The following NKD2 variants were observed in gnomAD, a reference collection of about 807,000 sequenced individuals.
The protein encoded by NKD2 is NKD inhibitor of Wnt signaling pathway 2.
In NKD2, 43 loss-of-function variants were observed where a neutral mutation model predicts 34.8. The observed-to-expected ratio is 1.24, with a 90% CI of 0.97 to 1.60. The LOEUF is 1.60. NKD2 is among the 40% of genes most tolerant of loss of function. The pLI, the probability that NKD2 is intolerant of heterozygous loss-of-function variation, is 0.00. For synonymous variants in NKD2, 278 were observed against 265.1 expected, an observed-to-expected ratio of 1.05 and a Z score of -0.47; for missense variants, 675 against 627.1, an observed-to-expected ratio of 1.08 and a Z score of -0.82.
chr5:1,020,351 C>T (rs1455685990), intron 3 of NKD2, among the ~76,000 whole-genome samples: 1 of 152,156 alleles, frequency 6.6e-6, no homozygotes, highest in East Asian at 1.9e-4. Context: ...ATAGAGGTTA[C>T]ACACACATGT....
At chr5:1,011,979 A>G (rs1755769247) in intron 3 of NKD2, among the ~76,000 whole-genome samples, 1 of 152,178 alleles carries the variant, frequency 6.6e-6, no homozygotes, top group Admixed American at 6.5e-5. Context: ...GTGGATTGTG[A>G]GGGATCCGGA....
At chr5:1,037,528 CTG>C (rs1734047653) in intron 9 of NKD2, 1 of 1,535,790 alleles carries the variant, frequency 6.5e-7, no homozygotes, top group South Asian at 1.2e-5. Context: ...AGGGTCTCAG[CTG>C]TGCGAGAAGA....
Position 1,038,576 on chromosome 5 carries a change from C to A in NKD2, c.*203C>A. ...GTGGACAAGGCCCAGGCGCCCTCTG[C>A]TCTTCTGCCCTCGATGCCACATGGC... On this transcript the variant is annotated 3_prime_UTR_variant, in exon 10 of 10. Transcript: ENST00000296849. This position sits in a 1 kb window ranked among gnomAD's most constrained non-coding sequence, Gnocchi z 4.5. 1.0e-6 allele frequency: 1 copy of A among 1,001,600 alleles called. No homozygotes were observed. Among genetic ancestry groups the A allele is most frequent in the Non-Finnish European group, 1.5e-6 (1 of 662,232 alleles). 62.0% of individuals were successfully genotyped at this position (1,001,600 alleles called of 1,614,324 possible).
intron 3 of NKD2, among the ~76,000 whole-genome samples, chr5:1,019,533 A>G (rs1382116544): frequency 4.6e-5 from 7 of 152,152 alleles, no homozygotes; most frequent in Non-Finnish European, 1.5e-5. Flanking sequence ...CGCCAGCCAC[A>G]GCAGGGCCCT....
intron 3 of NKD2, among the ~76,000 whole-genome samples, chr5:1,030,027 T>A (rs72643717): frequency 3.9e-5 from 5 of 128,832 alleles, no homozygotes; most frequent in African/African-American, 1.4e-4. Context: ...GGGGGGGGGG[T>A]ACTGAGAACC....
At chr5:1,021,939 C>G (rs1029915795) in intron 3 of NKD2, among the ~76,000 whole-genome samples, 19 of 152,192 alleles carry the variant, frequency 1.2e-4, no homozygotes, top group Non-Finnish European at 4.4e-5. Context: ...CTCCGGGCCC[C>G]TCCCCCAGGG....
rs1560997409 is a variant in NKD2, at chr5:1,033,514, G to A, written c.330+15G>A. On this transcript the variant is annotated intron_variant, in intron 5 of 9. Transcript: ENST00000296849. ...TCAACATTGACGTGGGTCTCTCTCC[G>A]GCCTCACTTGCGGGAACACGTCCCT... The A allele has an allele frequency of 1.4e-5, 21 of 1,540,598 alleles. No individual in the cohort carries two copies. The highest frequency in any genetic ancestry group is 3.6e-5 in the South Asian group (3 of 83,424).
At chr5:1,035,660 G>A (rs901385417) in intron 8 of NKD2, 187 bp downstream of exon 8, 16 of 588,376 alleles carry the variant, frequency 2.7e-5, no homozygotes, top group Non-Finnish European at 1.8e-5. Flanking sequence ...GGCTGAGCTG[G>A]GCCCCCAAGT....
At chr5:1,017,356 C>T (rs1450136372) in intron 3 of NKD2, among the ~76,000 whole-genome samples, 1 of 152,232 alleles carries the variant, frequency 6.6e-6, no homozygotes, top group Non-Finnish European at 1.5e-5. Context: ...GTCCGTGTGC[C>T]CTGCACCCTT....
In NKD2 at chr5:1,008,822, C is replaced by A. The variant is rs1414464619; in HGVS notation, c.-236C>A. 1.2e-5 allele frequency: 3 copies of A among 257,026 alleles called. No homozygotes were observed. Among genetic ancestry groups the A allele is most frequent in the Non-Finnish European group, 2.2e-5 (3 of 137,578 alleles). 15.9% of individuals were successfully genotyped at this position (257,026 alleles called of 1,614,324 possible). A position where few individuals can be genotyped will look rare whatever the true frequency, so the allele number is the denominator to read the frequency against. On this transcript the variant is annotated 5_prime_UTR_variant, in exon 1 of 10. Transcript: ENST00000296849. Reference sequence around the variant, plus strand: ...CGCTCAGAGGGAGCCGGGCCGCCGTCGCTGCCGCCGCTGTCCCCGCGCCCT... The same window carrying A: ...CGCTCAGAGGGAGCCGGGCCGCCGTAGCTGCCGCCGCTGTCCCCGCGCCCT...
At chr5:1,012,604 T>C (rs909309954) in intron 3 of NKD2, among the ~76,000 whole-genome samples, 58 of 152,378 alleles carry the variant, frequency 3.8e-4, no homozygotes, top group African/African-American at 1.3e-3. Context: ...CACTGGCCTC[T>C]GGCTTCCAGC....
rs931982936 is a variant in NKD2, at chr5:1,038,479, C to T, written c.*106C>T. 19 of 1,526,916 alleles carry T rather than the reference C, an allele frequency of 1.2e-5. No individual in the cohort carries two copies. Among genetic ancestry groups the T allele is most frequent in the Non-Finnish European group, 1.6e-5 (18 of 1,140,262 alleles). 94.6% of individuals were successfully genotyped at this position (1,526,916 alleles called of 1,614,324 possible). On this transcript the variant is annotated 3_prime_UTR_variant, in exon 10 of 10. Transcript: ENST00000296849. This position sits in a 1 kb window ranked among gnomAD's most constrained non-coding sequence, Gnocchi z 4.5. ...GTGCCCATGGGGAGCCCAGCCCCCA[C>T]CCCCCACCTCCGACAGCAAACAGCA...
chr5:1,036,866 T>TGGCA (rs776594371), intron 9 of NKD2: 21 of 447,270 alleles, frequency 4.7e-5, no homozygotes, highest in East Asian at 3.6e-4. Context: ...GCAGTGTGGA[T>TGGCA]GGCAGGCAGG....
Position 1,009,708 on chromosome 5 carries a change from T to TCTCTCCCCAGC in NKD2, c.141+152_141+162dup. 1 of 626,608 alleles carries TCTCTCCCCAGC rather than the reference T, an allele frequency of 1.6e-6. No individual in the cohort carries two copies. 38.8% of individuals were successfully genotyped at this position (626,608 alleles called of 1,614,324 possible). A position where few individuals can be genotyped will look rare whatever the true frequency, so the allele number is the denominator to read the frequency against. On this transcript the variant is annotated intron_variant, in intron 3 of 9. Coordinates refer to ENST00000296849, the MANE Select transcript of NKD2 (RefSeq NM_033120.4). The surrounding 1 kb of genome is among the most constrained non-coding windows in gnomAD (Gnocchi z 6.9). The stretch of plus-strand genomic sequence containing the variant: ...AGTGACCGGGGGCCAGGAGAGCCAG[T>TCTCTCCCCAGC]CTCTCCCCAGCCTCCACGACGTCTG...
intron 4 of NKD2, 56 bp downstream of exon 4, chr5:1,032,268 C>A: frequency 1.4e-6 from 2 of 1,425,104 alleles, no homozygotes; most frequent in Non-Finnish European, 2.0e-6. Flanking sequence ...CATCCCGTAC[C>A]AAGGCAACGC....
At chr5:1,014,494 A>C (rs746728235) in intron 3 of NKD2, among the ~76,000 whole-genome samples, 2 of 152,094 alleles carry the variant, frequency 1.3e-5, no homozygotes, top group African/African-American at 2.4e-5. Flanking sequence ...CCTGCTGTGC[A>C]TGCCTCCCGT....
chr5:1,021,402 C>T (rs1756177724), intron 3 of NKD2, among the ~76,000 whole-genome samples: 1 of 134,594 alleles, frequency 7.4e-6, no homozygotes, highest in South Asian at 2.7e-4. Flanking sequence ...CCGTCCCAAC[C>T]CCTGCCCCCG....
chr5:1,035,509 A>C (rs1348753743), intron 8 of NKD2, 36 bp downstream of exon 8: 1 of 1,496,410 alleles, frequency 6.7e-7, no homozygotes, highest in Admixed American at 2.0e-5. Context: ...GCTGTGCCTT[A>C]GGCGGGGGCA....
chr5:1,037,083 A>G (rs116065259), intron 9 of NKD2, among the ~76,000 whole-genome samples: 1,694 of 149,888 alleles, frequency 0.011, 33 homozygotes, highest in African/African-American at 0.038. Flanking sequence ...CAGTGTGGAC[A>G]GCAGGCAGTG....
Sources: allele counts gnomAD v4.1 joint callset (sites outside exome capture counted in the v4.1 genomes callset), GRCh38; gene constraint gnomAD v4.1.1; non-coding constraint Gnocchi (gnomAD v3.1); transcripts MANE v1.5; gene names NCBI Gene and HGNC (gene_info 2026-07-23, HGNC 2026-07-21).